The following CA10 variants were observed in gnomAD, a reference collection of about 807,000 sequenced individuals.
CA10 encodes the protein carbonic anhydrase-related protein 10.
A neutral mutation model predicts 44.2 loss-of-function variants in CA10; 14 were observed. The ratio of observed to expected loss-of-function variants is 0.32; its 90% CI spans 0.21 to 0.50. The LOEUF is 0.50. Among genes scored for constraint, CA10 ranks in the 20% least tolerant of loss-of-function variants. CA10 has a pLI of 0.99. For synonymous variants in CA10, 159 were observed against 141.6 expected, an observed-to-expected ratio of 1.12 and a Z score of -0.87; for missense variants, 350 against 409.7, an observed-to-expected ratio of 0.85 and a Z score of 1.26.
intron 3 of CA10, among the ~76,000 whole-genome samples, chr17:51,819,999 G>A (rs1907704618): frequency 6.6e-6 from 1 of 151,994 alleles, no homozygotes; most frequent in South Asian, 2.1e-4. Context: ...TTTACTCTGT[G>A]CTGAGTTCCC....
intron 2 of CA10, among the ~76,000 whole-genome samples, chr17:51,931,589 T>A (rs1982662234): frequency 6.6e-6 from 1 of 152,168 alleles, no homozygotes; most frequent in African/African-American, 2.4e-5. Context: ...ACACAAAGTT[T>A]TTCTTTGGGT....
chr17:51,713,126 G>T (rs191647169), intron 4 of CA10, among the ~76,000 whole-genome samples: 1 of 152,290 alleles, frequency 6.6e-6, no homozygotes, highest in East Asian at 1.9e-4. Context: ...TCTTCAATCG[G>T]GTAACTTCCC....
At chr17:52,011,425 G>A (rs143664476) in intron 2 of CA10, among the ~76,000 whole-genome samples, 289 of 151,972 alleles carry the variant, frequency 1.9e-3, no homozygotes, top group African/African-American at 6.6e-3. Flanking sequence ...CATTCTCAAT[G>A]GTTTGGGCAT....
At chr17:51,935,926 T>A (rs150392133) in intron 2 of CA10, among the ~76,000 whole-genome samples, 125 of 152,276 alleles carry the variant, frequency 8.2e-4, no homozygotes, top group Middle Eastern at 3.4e-3. Flanking sequence ...TGGCCTTGAC[T>A]TCTTTGTCCT....
At chr17:52,128,534 G>T (rs1181970393) in intron 1 of CA10, among the ~76,000 whole-genome samples, 1 of 152,034 alleles carries the variant, frequency 6.6e-6, no homozygotes, top group Non-Finnish European at 1.5e-5. Context: ...TTCTAGATAC[G>T]AATGGCTTCT....
intron 3 of CA10, among the ~76,000 whole-genome samples, chr17:51,822,372 A>G (rs941619340): frequency 3.9e-5 from 6 of 152,256 alleles, no homozygotes; most frequent in Non-Finnish European, 5.9e-5. Context: ...GCCAGGATCC[A>G]CCACTGCACT....
chr17:51,667,146 C>T (rs771203122), intron 4 of CA10, among the ~76,000 whole-genome samples: 113 of 152,302 alleles, frequency 7.4e-4, no homozygotes, highest in Non-Finnish European at 1.4e-3. Context: ...TTTATGGGCT[C>T]TTACATGCCA....
At chr17:52,052,141 G>A (rs373133895) in intron 2 of CA10, among the ~76,000 whole-genome samples, 81 of 151,942 alleles carry the variant, frequency 5.3e-4, no homozygotes, top group Non-Finnish European at 1.0e-3. Flanking sequence ...GGTGGAGGGT[G>A]GGGGAAGGGA....
chr17:51,641,293 C>T (rs1271548227), intron 6 of CA10, among the ~76,000 whole-genome samples: 3 of 151,988 alleles, frequency 2.0e-5, no homozygotes, highest in Admixed American at 6.6e-5. Flanking sequence ...GGTAGCTTTG[C>T]CAGCAACTCA....
intron 4 of CA10, among the ~76,000 whole-genome samples, chr17:51,686,088 G>T (rs573673292): frequency 2.6e-5 from 4 of 151,546 alleles, no homozygotes; most frequent in African/African-American, 7.3e-5. Context: ...CATGGGTCGG[G>T]GGGGGCGTCT....
At chr17:52,124,916 C>A (rs1349693280) in intron 1 of CA10, among the ~76,000 whole-genome samples, 1 of 152,214 alleles carries the variant, frequency 6.6e-6, no homozygotes, top group Non-Finnish European at 1.5e-5. Context: ...GCAGTCAAGG[C>A]CCTTCATGAT....
At chr17:51,705,721 GTC>G (rs1915742152) in intron 4 of CA10, among the ~76,000 whole-genome samples, 2 of 152,130 alleles carry the variant, frequency 1.3e-5, no homozygotes, top group African/African-American at 4.8e-5. Flanking sequence ...AGCCCACAGT[GTC>G]TCTCAAACCT....
chr17:51,766,432 A>G (rs1905384839), intron 3 of CA10, among the ~76,000 whole-genome samples: 1 of 152,156 alleles, frequency 6.6e-6, no homozygotes, highest in African/African-American at 2.4e-5. Context: ...ACTTGATTCC[A>G]GTGGAGTGGA....
intron 3 of CA10, among the ~76,000 whole-genome samples, chr17:51,907,858 C>T (rs1276573129): frequency 6.6e-6 from 1 of 152,158 alleles, no homozygotes; most frequent in East Asian, 1.9e-4. Context: ...CAATGAACTT[C>T]CTGTGCACAA....
At position 51,747,774 on chromosome 17, in the gene CA10, G is replaced by A. The variant is rs761468276; in HGVS notation, c.324C>T (p.Arg108=). The A allele has an allele frequency of 3.5e-5, 56 of 1,613,958 alleles. No homozygotes were observed. Among genetic ancestry groups the A allele is most frequent in the Non-Finnish European group, 4.2e-5 (49 of 1,179,960 alleles). ...MYNTGRHVSL[R]LDKEHLVNIS... is the part of the protein sequence containing the mutation. ...TGTTGACCAAGTGCTCCTTGTCCAG[G>A]CGAAGGGATACGTGTCTTCCAGTGT... The change falls in exon 4 of 9, where the codon CGC becomes CGT. Residue 108 remains arginine (R), a synonymous_variant. Coordinates refer to ENST00000451037, the MANE Select transcript of CA10 (RefSeq NM_020178.5).
intron 6 of CA10, among the ~76,000 whole-genome samples, chr17:51,646,032 C>G (rs185519415): frequency 1.2e-4 from 19 of 152,342 alleles, no homozygotes; most frequent in Middle Eastern, 3.4e-3. Flanking sequence ...TGGAGCTGAG[C>G]TGCTTCAGCT....
chr17:51,953,820 G>C (rs1255975319), intron 2 of CA10, among the ~76,000 whole-genome samples: 1 of 151,922 alleles, frequency 6.6e-6, no homozygotes, highest in Non-Finnish European at 1.5e-5. Context: ...GTTGCTCTTA[G>C]ATATATAAAG....
At position 51,639,333 on chromosome 17, in the gene CA10, AAG is replaced by A. The variant is rs76146333; in HGVS notation, c.635-3326_635-3325del. Among the ~76,000 whole-genome samples, 63 of 152,180 alleles carry A rather than the reference AAG, an allele frequency of 4.1e-4. 1 individual carries two copies. The East Asian group carries it at 0.012, about 28-fold the overall frequency. On this transcript the variant is annotated intron_variant, in intron 6 of 8. Coordinates refer to ENST00000451037, the MANE Select transcript of CA10 (RefSeq NM_020178.5). ...GGGGAGGAGTGAAGGGGGAAGTAGA[AAG>A]AGAGGCATTCCAGGCATGACTGGAG... is the stretch of plus-strand genomic sequence containing the variant.
intron 2 of CA10, among the ~76,000 whole-genome samples, chr17:52,034,151 A>G (rs951036217): frequency 1.3e-5 from 2 of 152,220 alleles, no homozygotes; most frequent in African/African-American, 4.8e-5. Flanking sequence ...TGTATTGTAT[A>G]CTTAAATATT....
Sources: gnomAD v4.1 joint callset for allele counts (sites outside exome capture counted in the v4.1 genomes callset) on GRCh38, gnomAD v4.1.1 for gene constraint, MANE v1.5 for transcripts, NCBI Gene and HGNC (gene_info 2026-07-23, HGNC 2026-07-21) for gene names.